The following CLHC1 variants were observed in gnomAD, a reference collection of about 807,000 sequenced individuals.
CLHC1 encodes clathrin heavy chain linker domain containing 1, also known as clathrin heavy chain linker domain-containing protein 1.
In CLHC1, 72 loss-of-function variants were observed where a neutral mutation model predicts 69.5. The ratio of observed to expected loss-of-function variants is 1.04; its 90% confidence interval spans 0.86 to 1.26. The LOEUF (loss-of-function observed/expected upper bound fraction) is 1.26, where lower values mean the gene tolerates loss of function less well. CLHC1 is among the 50% of genes most tolerant of loss of function. The probability of loss-of-function intolerance (pLI) is 0.00; values close to 1 mark genes in which losing one functional copy is unlikely to be tolerated. For missense variants in CLHC1, 790 were observed against 679.3 expected (o/e 1.16, Z -1.81); for synonymous variants, 223 against 224.3 (o/e 0.99, Z 0.05).
chr2:55,208,789 T>C, intron 7 of CLHC1, 79 bp from the exon 8 acceptor site: 3 of 942,346 alleles, frequency 3.2e-6, no homozygotes, highest in Non-Finnish European at 5.1e-6. Flanking sequence ...ATGTGTTTAA[T>C]ACCAACAGCT....
At chr2:55,218,228 GA>G (rs942866970) in intron 3 of CLHC1, 4 of 313,592 alleles carry the variant, frequency 1.3e-5, no homozygotes, top group East Asian at 1.0e-4. Context: ...AAATATGAGA[GA>G]AAAAAAGGCC....
chr2:55,186,038 G>C (rs1375848508), intron 9 of CLHC1, among the ~76,000 whole-genome samples: 8 of 152,166 alleles, frequency 5.3e-5, no homozygotes, highest in Non-Finnish European at 1.2e-4. Flanking sequence ...AAAGATCTAA[G>C]ACTCTGAAAA....
chr2:55,173,351 T>C lies in CLHC1; in HGVS notation c.*2439A>G, dbSNP rs549751750. ...TTGTGTGTTTCCATTAAGGTTGTAA[T>C]CTTGCTAGCAGAAATTGTGTGCAAA... On this transcript the variant is annotated 3_prime_UTR_variant, in exon 13 of 13. Coordinates refer to ENST00000401408, the MANE Select transcript of CLHC1 (RefSeq NM_152385.4). Among the ~76,000 whole-genome samples the C allele has an allele frequency of 3.9e-5, 6 of 152,364 alleles. No individual in the cohort carries two copies. The highest frequency in any genetic ancestry group is 2.1e-4 in the South Asian group (1 of 4,828).
intron 9 of CLHC1, among the ~76,000 whole-genome samples, chr2:55,200,222 T>A: frequency 2.9e-5 from 1 of 34,084 alleles, no homozygotes; most frequent in African/African-American, 1.8e-4. Flanking sequence ...AAAAAGACTG[T>A]CTTAAAAAAA....
At chr2:55,225,486 C>T (rs1222061345) in intron 2 of CLHC1, 2 of 152,250 alleles carry the variant, frequency 1.3e-5, no homozygotes, top group Non-Finnish European at 2.9e-5. Context: ...ACTCTGGACC[C>T]GGCAGTGGTT....
At chr2:55,193,282 T>C (rs970624702) in intron 9 of CLHC1, among the ~76,000 whole-genome samples, 3 of 151,986 alleles carry the variant, frequency 2.0e-5, no homozygotes, top group African/African-American at 7.2e-5. Flanking sequence ...GTGGAACTTA[T>C]CAAAATTAAA....
At chr2:55,186,995 G>A (rs561116334) in intron 9 of CLHC1, among the ~76,000 whole-genome samples, 7 of 152,016 alleles carry the variant, frequency 4.6e-5, no homozygotes, top group Middle Eastern at 3.4e-3. Flanking sequence ...GGCCAGGCGC[G>A]GTGGCTCAGG....
intron 2 of CLHC1, among the ~76,000 whole-genome samples, chr2:55,226,344 T>C (rs1263087647): frequency 6.6e-6 from 1 of 152,116 alleles, no homozygotes; most frequent in Non-Finnish European, 1.5e-5. Context: ...ACATCGTAAC[T>C]TTTTCCCTAA....
At position 55,175,412 on chromosome 2, in the gene CLHC1, G is replaced by C. The variant is rs776076195; in HGVS notation, c.*378C>G. 1 of 165,498 alleles carries C rather than the reference G, an allele frequency of 6.0e-6. No homozygotes were observed. Among genetic ancestry groups the C allele is most frequent in the Non-Finnish European group, 1.3e-5 (1 of 76,394 alleles). The allele number at this position is 165,498 out of a possible 1,614,324, so 10.3% of individuals were successfully genotyped here. On this transcript the variant is annotated 3_prime_UTR_variant, in exon 13 of 13. Coordinates refer to ENST00000401408, the MANE Select transcript of CLHC1 (RefSeq NM_152385.4). ...TCAAGTCAGGCTTGTAGCATTTCAT[G>C]TTTGGGAAGACAGTCTAACACACAG...
At chr2:55,222,149 G>T (rs1375733194) in intron 3 of CLHC1, 86 bp downstream of exon 3, 1 of 870,446 alleles carries the variant, frequency 1.1e-6, no homozygotes, top group Non-Finnish European at 1.8e-6. Context: ...TCAAACAGTG[G>T]TGTTACTAAG....
intron 4 of CLHC1, among the ~76,000 whole-genome samples, chr2:55,215,390 C>T (rs1261703009): frequency 6.6e-6 from 1 of 152,144 alleles, no homozygotes; most frequent in Non-Finnish European, 1.5e-5. Context: ...CCCACTCTGC[C>T]TTCCATCTTT....
chr2:55,224,627 G>A (rs1365698695), intron 2 of CLHC1: 1 of 254,800 alleles, frequency 3.9e-6, no homozygotes, highest in African/African-American at 2.3e-5. Context: ...AACCCCCGCA[G>A]TGCGGCGTTG....
chr2:55,212,731 A>G lies in CLHC1; in HGVS notation c.441T>C (p.Tyr147=), dbSNP rs780279800. The G allele has an allele frequency of 2.8e-5, 44 of 1,596,208 alleles. No homozygotes were observed. The highest frequency in any genetic ancestry group is 3.5e-5 in the Non-Finnish European group (41 of 1,163,932). Residue 147 remains tyrosine (Y), a synonymous_variant, in exon 5 of 13, where the codon TAT becomes TAC. Coordinates refer to ENST00000401408, the MANE Select transcript of CLHC1 (RefSeq NM_152385.4). ...TACAATATTTTACTTCTTTTGTGTC[A>G]TACTCTGCCCTACACTGCTTGATGT... ...IDHIKQCRAE[Y]DTKEVKYCTF... is the part of the protein sequence containing the mutation.
At chr2:55,191,527 C>A (rs1670930233) in intron 9 of CLHC1, among the ~76,000 whole-genome samples, 1 of 152,102 alleles carries the variant, frequency 6.6e-6, no homozygotes, top group South Asian at 2.1e-4. Context: ...AGCCACTGCG[C>A]CCAGCCAGAA....
At chr2:55,218,731 A>T (rs1673822796) in intron 3 of CLHC1, 1 of 152,228 alleles carries the variant, frequency 6.6e-6, no homozygotes, top group Non-Finnish European at 1.5e-5. Context: ...CCATGCAAAA[A>T]TAAACATTTT....
intron 4 of CLHC1, among the ~76,000 whole-genome samples, chr2:55,216,467 G>A (rs992990414): frequency 6.6e-6 from 1 of 151,962 alleles, no homozygotes. Flanking sequence ...TCATGAAATT[G>A]TACTATTAAA....
At chr2:55,181,825 G>T in intron 9 of CLHC1, 81 bp from the exon 10 acceptor site, 3 of 1,080,630 alleles carry the variant, frequency 2.8e-6, no homozygotes, top group Non-Finnish European at 4.0e-6. Flanking sequence ...CTATTTTTGT[G>T]CCTTTGCTTT....
In CLHC1 at chr2:55,175,667, G is replaced by T; in HGVS notation, c.*123C>A. ...CTAAATGTCATCATAACAAAAGTGT[G>T]ATTTATTTCTGAGATCTTCTTACTC... On this transcript the variant is annotated 3_prime_UTR_variant, in exon 13 of 13. Transcript: ENST00000401408. The T allele has an allele frequency of 1.6e-6, 1 of 630,916 alleles. No individual in the cohort carries two copies. Among genetic ancestry groups the T allele is most frequent in the Non-Finnish European group, 2.7e-6 (1 of 367,436 alleles). The allele number at this position is 630,916 out of a possible 1,614,324, so 39.1% of individuals were successfully genotyped here.
At chr2:55,178,917 A>AATTATTATT (rs67704586) in intron 11 of CLHC1, among the ~76,000 whole-genome samples, 27 of 144,408 alleles carry the variant, frequency 1.9e-4, no homozygotes, top group African/African-American at 6.3e-4. Context: ...TTTTTTAAAA[A>AATTATTATT]ATTATTATTA....
Sources: gnomAD v4.1 joint callset for allele counts (sites outside exome capture counted in the v4.1 genomes callset) on GRCh38, gnomAD v4.1.1 for gene constraint, MANE v1.5 for transcripts, NCBI Gene and HGNC (gene_info 2026-07-23, HGNC 2026-07-21) for gene names.